Variants in CYLC1 observed in about 807,000 individuals in gnomAD.
CYLC1 encodes the protein cylicin-1.
A neutral mutation model predicts 31.6 loss-of-function variants in CYLC1; 2 were observed. The ratio of observed to expected loss-of-function variants is 0.06; its 90% CI spans 0.03 to 0.20. The LOEUF (loss-of-function observed/expected upper bound fraction) is 0.20. Among genes scored for constraint, CYLC1 ranks in the 10% least tolerant of loss-of-function variants. The pLI, the probability that CYLC1 is intolerant of heterozygous loss-of-function variation, is 1.00. For missense variants in CYLC1, 595 were observed against 424.1 expected (o/e 1.40, Z -3.54); for synonymous variants, 185 against 153.0 (o/e 1.21, Z -1.54).
Position 83,873,674 on chromosome X carries a change from G to C in CYLC1, c.966G>C (p.Lys322Asn). ...KVKKNVKKDD[K>N]KKDVKKDTES... ...AGAAAAATGTCAAGAAAGATGACAA[G>C]AAAAAGGATGTAAAGAAGGACACAG... The change falls in exon 4 of 5, where the codon AAG becomes AAC. Residue 322 changes from lysine (K) to asparagine (N), a missense_variant. Coordinates refer to ENST00000329312, the MANE Select transcript of CYLC1 (RefSeq NM_021118.3). The C allele has an allele frequency of 4.2e-6, 5 of 1,201,578 alleles. No individual in the cohort carries two copies. The highest frequency in any genetic ancestry group is 5.6e-6 in the Non-Finnish European group (5 of 891,166).
intron 4 of CYLC1, among the ~76,000 whole-genome samples, chrX:83,879,377 G>T (rs751059375): frequency 1.8e-5 from 2 of 110,552 alleles, no homozygotes; most frequent in Admixed American, 9.7e-5. Context: ...GAGGGAGAGA[G>T]AATTACATAA....
rs1343112907 is a variant in CYLC1 at position 83,871,343 on chromosome X, A to G, written c.59-109A>G. 5 of 451,861 alleles carry G rather than the reference A, an allele frequency of 1.1e-5. No individual in the cohort carries two copies. The East Asian group carries it at 2.3e-4, about 21-fold the overall frequency. 37.2% of individuals were successfully genotyped at this position (451,861 alleles called of 1,213,427 possible). ...CTCTGAGGAAAAAATCTATATTTTA[A>G]TGTATAACTTAGTTTAATTTAAATA... On this transcript the variant is annotated intron_variant, in intron 2 of 4. Coordinates refer to ENST00000329312, the MANE Select transcript of CYLC1 (RefSeq NM_021118.3).
chrX:83,870,711 G>T (rs1336112332), intron 2 of CYLC1, among the ~76,000 whole-genome samples: 1 of 111,232 alleles, frequency 9.0e-6, no homozygotes, highest in Non-Finnish European at 1.9e-5. Context: ...CAATGTAGCA[G>T]CTCTTTAAAA....
At chrX:83,877,935 T>TAA (rs1292468985) in intron 4 of CYLC1, among the ~76,000 whole-genome samples, 7 of 79,357 alleles carry the variant, frequency 8.8e-5, no homozygotes, top group South Asian at 6.0e-4. Context: ...TAAATATAAA[T>TAA]ATATATATTT....
At position 83,872,880 on chromosome X, in the gene CYLC1, T is replaced by A; in HGVS notation, c.178-6T>A. 3.1e-5 allele frequency: 35 copies of A among 1,124,224 alleles called. No homozygotes were observed. Among genetic ancestry groups the A allele is most frequent in the Non-Finnish European group, 4.0e-5 (34 of 845,523 alleles). The allele number at this position is 1,124,224 out of a possible 1,213,427, so 92.6% of individuals were successfully genotyped here. On this transcript the variant is annotated splice_polypyrimidine_tract_variant and splice_region_variant and intron_variant, in intron 3 of 4. Coordinates refer to ENST00000329312, the MANE Select transcript of CYLC1 (RefSeq NM_021118.3). Reference sequence around the variant, plus strand: ...AAATGCTTATTATTCTAACCAATCTTTTCAGAGACATGACAAAAGAAAACT... The same window carrying A: ...AAATGCTTATTATTCTAACCAATCTATTCAGAGACATGACAAAAGAAAACT...
Position 83,863,695 on chromosome X carries a change from C to G in CYLC1, c.17+2496C>G, listed in dbSNP as rs754909475. Among the ~76,000 whole-genome samples the G allele has an allele frequency of 8.4e-4, 94 of 111,502 alleles. 1 individual carries two copies. Among genetic ancestry groups the G allele is most frequent in the African/African-American group, 2.9e-3 (90 of 30,689 alleles). On this transcript the variant is annotated intron_variant, in intron 1 of 4. Transcript: ENST00000329312. ...AATGCTACCTGGCAATTACATTTCT[C>G]CACCAGAAAATATAATAGTCTGCAT...
chrX:83,873,854 T>C lies in CYLC1; in HGVS notation c.1146T>C (p.Asn382=). ...TESGDAKDAR[N]DSRNLKKASK... ...CAGGAGATGCAAAGGATGCAAGAAATGATTCAAGAAATTTGAAGAAAGCTT... is the reference window on the plus strand; with the variant it reads ...CAGGAGATGCAAAGGATGCAAGAAACGATTCAAGAAATTTGAAGAAAGCTT... The change falls in exon 4 of 5, where the codon AAT becomes AAC. Residue 382 remains asparagine (N), a synonymous_variant. Coordinates refer to ENST00000329312, the MANE Select transcript of CYLC1 (RefSeq NM_021118.3). 8.4e-7 allele frequency: 1 copy of C among 1,195,386 alleles called. No individual in the cohort carries two copies. The highest frequency in any genetic ancestry group is 1.1e-6 in the Non-Finnish European group (1 of 884,360).
At chrX:83,886,528 G>C in intron 4 of CYLC1, 24 bp from the exon 5 acceptor site, 1 of 1,200,301 alleles carries the variant, frequency 8.3e-7, no homozygotes, top group Non-Finnish European at 1.1e-6. Context: ...CTTTTTATTT[G>C]CATTTTTCTA....
In CYLC1 at chrX:83,871,509, A is replaced by G; in HGVS notation, c.116A>G (p.Lys39Arg). The part of the protein sequence containing the change: ...NQKHFALTFP[K>R]PLQRGTNDKS... ...AAACACTTTGCTTTGACATTTCCCA[A>G]ACCACTCCAGAGAGGTACAAATGAT... The change falls in exon 3 of 5, where the codon AAA becomes AGA. Residue 39 changes from lysine to arginine, a missense_variant. Lys to Arg is a conservative substitution (Grantham distance 26). Transcript: ENST00000329312. 1 of 1,205,778 alleles carries G rather than the reference A, an allele frequency of 8.3e-7. No individual in the cohort carries two copies. Among genetic ancestry groups the G allele is most frequent in the Non-Finnish European group, 1.1e-6 (1 of 892,190 alleles).
intron 3 of CYLC1, 101 bp from the exon 4 acceptor site, chrX:83,872,785 G>T: frequency 3.0e-6 from 2 of 668,778 alleles, no homozygotes; most frequent in Non-Finnish European, 4.2e-6. Context: ...AAAAAACTAA[G>T]TTTAAATAGA....
Position 83,873,599 on chromosome X carries a change from T to C in CYLC1, c.891T>C (p.Asp297=), listed in dbSNP as rs150325674. The change falls in exon 4 of 5, where the codon GAT becomes GAC. Residue 297 remains aspartate (D), a synonymous_variant. Transcript: ENST00000329312. ...DTKKNAKKSS[D]AESEDSKDAK... is the part of the protein sequence containing the mutation. ...AAAAGAATGCAAAGAAAAGCTCTGA[T>C]GCTGAATCTGAAGACTCAAAGGATG... 5.3e-5 allele frequency: 63 copies of C among 1,188,100 alleles called. No individual in the cohort carries two copies. In the African/African-American group the frequency reaches 1.1e-3, roughly 21 times the overall value.
At chrX:83,876,890 G>C (rs1279949308) in intron 4 of CYLC1, among the ~76,000 whole-genome samples, 1 of 110,661 alleles carries the variant, frequency 9.0e-6, no homozygotes, top group Non-Finnish European at 1.9e-5. Context: ...TGAGTATATA[G>C]CGTTAAATGG....
intron 1 of CYLC1, among the ~76,000 whole-genome samples, chrX:83,868,620 T>A (rs984032014): frequency 9.0e-6 from 1 of 111,116 alleles, no homozygotes; most frequent in Non-Finnish European, 1.9e-5. Context: ...CCCTTGTAGA[T>A]ACTTAATTGA....
rs769628172 is a variant in CYLC1 at position 83,877,030 on chromosome X, T to A, written c.1923+2399T>A. On this transcript the variant is annotated intron_variant, in intron 4 of 4. Transcript: ENST00000329312. Reference sequence around the variant, plus strand: ...TCTACTGGGCATCTCATACTTAAAATGTTTAAATAATATTTTTAACCCCAC... The same window carrying A: ...TCTACTGGGCATCTCATACTTAAAAAGTTTAAATAATATTTTTAACCCCAC... Among the ~76,000 whole-genome samples the A allele has an allele frequency of 1.6e-3, 178 of 111,442 alleles. 1 individual carries two copies. Among genetic ancestry groups the A allele is most frequent in the Non-Finnish European group, 2.2e-3 (116 of 52,991 alleles).
At chrX:83,879,501 T>C (rs2031879591) in intron 4 of CYLC1, among the ~76,000 whole-genome samples, 1 of 112,175 alleles carries the variant, frequency 8.9e-6, no homozygotes, top group Non-Finnish European at 1.9e-5. Context: ...ATTGTTATTG[T>C]TCTTATTTCC....
intron 1 of CYLC1, among the ~76,000 whole-genome samples, chrX:83,865,236 A>T (rs1328948874): frequency 3.6e-5 from 4 of 111,100 alleles, no homozygotes; most frequent in Non-Finnish European, 7.6e-5. Flanking sequence ...CTATTCACTC[A>T]GTTGTTTAAG....
intron 4 of CYLC1, among the ~76,000 whole-genome samples, chrX:83,880,212 A>C (rs1276580605): frequency 8.9e-6 from 1 of 111,775 alleles, no homozygotes; most frequent in African/African-American, 3.2e-5. Flanking sequence ...CAAATACTAA[A>C]TTTTTACATA....
At chrX:83,871,929 C>G (rs748958133) in intron 3 of CYLC1, among the ~76,000 whole-genome samples, 1 of 110,793 alleles carries the variant, frequency 9.0e-6, no homozygotes, top group Non-Finnish European at 1.9e-5. Context: ...AATTCAGAGA[C>G]GATATTAAGA....
At chrX:83,867,259 A>C (rs2031604902) in intron 1 of CYLC1, among the ~76,000 whole-genome samples, 2 of 111,820 alleles carry the variant, frequency 1.8e-5, no homozygotes, top group South Asian at 7.4e-4. Flanking sequence ...CAAAGTCTTC[A>C]ACAACCATAT....
Sources: gnomAD v4.1 joint callset for allele counts (sites outside exome capture counted in the v4.1 genomes callset) on GRCh38, gnomAD v4.1.1 for gene constraint, MANE v1.5 for transcripts, NCBI Gene and HGNC (gene_info 2026-07-23, HGNC 2026-07-21) for gene names.